SSU72: variants seen among roughly 807,000 people sequenced by gnomAD.
The protein encoded by SSU72 is RNA polymerase II subunit A C-terminal domain phosphatase SSU72.
Under a neutral mutation model 22.7 loss-of-function variants are expected in SSU72, and 12 were observed. The observed-to-expected ratio is 0.53, with a 90% CI of 0.34 to 0.86. The LOEUF (loss-of-function observed/expected upper bound fraction) is 0.86, where lower values mean the gene tolerates loss of function less well. Ranked by LOEUF, SSU72 falls within the 40% of genes least tolerant of loss-of-function variation. SSU72 has a pLI of 0.02. For synonymous variants in SSU72, 116 were observed against 98.3 expected (o/e 1.18, Z -1.06); for missense variants, 151 against 249.8 (o/e 0.60, Z 2.67).
At chr1:1,572,509 T>G (rs1424651672) in intron 1 of SSU72, among the ~76,000 whole-genome samples, 1 of 150,424 alleles carries the variant, frequency 6.6e-6, no homozygotes, top group Non-Finnish European at 1.5e-5. Flanking sequence ...CAGGCTGGAG[T>G]GCAGTGGCAT....
chr1:1,571,176 C>T (rs1642725749), intron 1 of SSU72, among the ~76,000 whole-genome samples: 1 of 136,846 alleles, frequency 7.3e-6, no homozygotes, highest in Non-Finnish European at 1.6e-5. Context: ...ACCCGGGAGG[C>T]GGAGGTTGCA....
At chr1:1,551,982 G>A (rs1405222190) in intron 2 of SSU72, among the ~76,000 whole-genome samples, 1 of 152,190 alleles carries the variant, frequency 6.6e-6, no homozygotes, top group Middle Eastern at 3.2e-3. Context: ...CAATTCAGGG[G>A]ATCCCCAAGC....
intron 2 of SSU72, among the ~76,000 whole-genome samples, chr1:1,548,322 G>A (rs950710378): frequency 3.9e-5 from 6 of 152,292 alleles, no homozygotes; most frequent in Admixed American, 3.9e-4. Context: ...ACTTTGGGAG[G>A]CTGAGACAGG....
At chr1:1,564,272 T>G in intron 2 of SSU72, 1 of 494,162 alleles carries the variant, frequency 2.0e-6, no homozygotes, top group Non-Finnish European at 3.6e-6. Context: ...TGAAGGAATG[T>G]TCTCTCCCAT....
intron 2 of SSU72, among the ~76,000 whole-genome samples, chr1:1,556,204 G>A (rs148817889): frequency 0.018 from 2,807 of 152,296 alleles, 81 homozygotes; most frequent in African/African-American, 0.064. Flanking sequence ...AGGCCAAGGC[G>A]GGTGGATCAC....
chr1:1,541,858 A>G lies in SSU72; in HGVS notation c.*208T>C, dbSNP rs754130034. The G allele has an allele frequency of 2.1e-5, 12 of 566,180 alleles. No homozygotes were observed. Among genetic ancestry groups the G allele is most frequent in the Admixed American group, 3.1e-5 (1 of 32,484 alleles). 35.1% of individuals were successfully genotyped at this position (566,180 alleles called of 1,614,324 possible). On this transcript the variant is annotated 3_prime_UTR_variant, in exon 5 of 5. Coordinates refer to ENST00000291386, the MANE Select transcript of SSU72 (RefSeq NM_014188.3). ...TTAAAGAAGAAAAACTTTGTAATCAATATCCTGCTCATAAGTAAAAGTGGA... is the reference window on the plus strand; with the variant it reads ...TTAAAGAAGAAAAACTTTGTAATCAGTATCCTGCTCATAAGTAAAAGTGGA...
intron 3 of SSU72, 22 bp downstream of exon 3, chr1:1,544,841 C>T: frequency 6.2e-7 from 1 of 1,614,098 alleles, no homozygotes; most frequent in Non-Finnish European, 8.5e-7. Context: ...GAGCCCAGCC[C>T]AGCACGCAGC....
At chr1:1,550,603 C>A (rs1267089012) in intron 2 of SSU72, among the ~76,000 whole-genome samples, 1 of 152,108 alleles carries the variant, frequency 6.6e-6, no homozygotes, top group Admixed American at 6.5e-5. Context: ...TGCTGGCCCC[C>A]CTCAAGTGCC....
rs1642500510 is a variant in SSU72, at chr1:1,554,811, A to AT, written c.225-9810_225-9809insA. On this transcript the variant is annotated intron_variant, in intron 2 of 4. Transcript: ENST00000291386. This position sits in a 1 kb window ranked among gnomAD's most constrained non-coding sequence, Gnocchi z 4.1. ...CGAAAGCAACAGCCCTGGGCAGCCC[A>AT]GCACCATCCTGGGTTCCCTGCTGCC... 6.6e-6 allele frequency among the ~76,000 whole-genome samples: 1 copy of AT among 152,114 alleles called. No individual in the cohort carries two copies. Among genetic ancestry groups the AT allele is most frequent in the Admixed American group, 6.6e-5 (1 of 15,266 alleles).
intron 3 of SSU72, among the ~76,000 whole-genome samples, chr1:1,544,268 C>T (rs902908101): frequency 2.6e-5 from 4 of 152,218 alleles, no homozygotes; most frequent in Non-Finnish European, 5.9e-5. Flanking sequence ...GACCCTTCCC[C>T]GTCACTAAAG....
rs1276257961 is a variant in SSU72 at position 1,554,584 on chromosome 1, TAGA to T, written c.225-9585_225-9583del. ...GTGGGACCAGAACATCCCGGGGAGTTAGAATGAGCGCAGCTGCCCATCCCACAG... is the reference window on the plus strand; with the variant it reads ...GTGGGACCAGAACATCCCGGGGAGTTATGAGCGCAGCTGCCCATCCCACAG... On this transcript the variant is annotated intron_variant, in intron 2 of 4. Transcript: ENST00000291386. This position sits in a 1 kb window ranked among gnomAD's most constrained non-coding sequence, Gnocchi z 4.1. Among the ~76,000 whole-genome samples the T allele has an allele frequency of 2.0e-5, 3 of 152,028 alleles. No homozygotes were observed. The highest frequency in any genetic ancestry group is 7.3e-5 in the African/African-American group (3 of 41,366).
intron 2 of SSU72, among the ~76,000 whole-genome samples, chr1:1,553,266 C>G (rs576360573): frequency 4.3e-4 from 66 of 152,170 alleles, no homozygotes; most frequent in Admixed American, 1.9e-3. Flanking sequence ...TCTGTGCCCC[C>G]TCAGCAGACA....
chr1:1,563,394 A>G (rs1261981756), intron 2 of SSU72: 2 of 152,004 alleles, frequency 1.3e-5, no homozygotes, highest in East Asian at 3.9e-4. Context: ...TTAGCCAGGC[A>G]TGACAGCGGA....
chr1:1,556,244 A>C (rs1642519478), intron 2 of SSU72, among the ~76,000 whole-genome samples: 2 of 152,236 alleles, frequency 1.3e-5, no homozygotes, highest in African/African-American at 4.8e-5. Flanking sequence ...CATCCTGGCT[A>C]ACACGGTGAA....
intron 2 of SSU72, among the ~76,000 whole-genome samples, chr1:1,548,773 CAGG>C (rs1044588203): frequency 2.6e-5 from 4 of 152,214 alleles, no homozygotes; most frequent in African/African-American, 9.6e-5. Flanking sequence ...TTGGCGTAAA[CAGG>C]AGGAGCAGGC....
At chr1:1,566,090 C>A (rs1379774976) in intron 1 of SSU72, among the ~76,000 whole-genome samples, 2 of 149,346 alleles carry the variant, frequency 1.3e-5, no homozygotes, top group East Asian at 2.1e-4. Context: ...ACCCCAGCTC[C>A]GTTTCTACTA....
intron 2 of SSU72, among the ~76,000 whole-genome samples, chr1:1,549,780 C>G (rs1034083621): frequency 6.6e-6 from 1 of 152,090 alleles, no homozygotes; most frequent in African/African-American, 2.4e-5. Context: ...CGAGACCATC[C>G]TGGCTAACAT....
At chr1:1,573,841 T>C (rs1240126148) in intron 1 of SSU72, among the ~76,000 whole-genome samples, 2 of 152,158 alleles carry the variant, frequency 1.3e-5, no homozygotes, top group South Asian at 2.1e-4. Context: ...CAGTTTGCTA[T>C]GTGACTGAAC....
chr1:1,552,071 G>A (rs896571570), intron 2 of SSU72, among the ~76,000 whole-genome samples: 6 of 152,196 alleles, frequency 3.9e-5, no homozygotes, highest in Non-Finnish European at 7.3e-5. Flanking sequence ...GTTCCGACCC[G>A]GCACTCTGCT....
Sources: gnomAD v4.1 joint callset for allele counts (sites outside exome capture counted in the v4.1 genomes callset) on GRCh38, gnomAD v4.1.1 for gene constraint, Gnocchi (gnomAD v3.1) non-coding constraint, MANE v1.5 for transcripts, NCBI Gene and HGNC (gene_info 2026-07-23, HGNC 2026-07-21) for gene names.